The following SEMA4B variants were observed in gnomAD, a reference collection of about 807,000 sequenced individuals.
SEMA4B encodes semaphorin-4B.
In SEMA4B, 55 loss-of-function variants were observed where a neutral mutation model predicts 88.1. The observed-to-expected ratio is 0.62, with a 90% CI of 0.50 to 0.78. The LOEUF (loss-of-function observed/expected upper bound fraction) is 0.78. Ranked by LOEUF, SEMA4B falls within the 30% of genes least tolerant of loss-of-function variation. The pLI, the probability that SEMA4B is intolerant of heterozygous loss-of-function variation, is 0.00. For missense variants in SEMA4B, 1,062 were observed against 1,111.9 expected (o/e 0.96, Z 0.64); for synonymous variants, 525 against 473.6 (o/e 1.11, Z -1.41).
At chr15:90,197,659 G>C (rs912943600), upstream of SEMA4B, among the ~76,000 whole-genome samples, 2 of 151,698 alleles carry the variant, frequency 1.3e-5, no homozygotes, top group Non-Finnish European at 2.9e-5. Flanking sequence ...GGATGGTCTC[G>C]AGCTCCTGAC....
At position 90,228,483 on chromosome 15, in the gene SEMA4B, G is replaced by A. The variant is rs758056713; in HGVS notation, c.2354G>A (p.Arg785Gln). ...LGPPSTPLDH[R>Q]GYQSLSDSPP... ...CCCCCTAGCACCCCGCTCGATCACC[G>A]AGGGTACCAGTCCCTGTCAGACAGC... Residue 785 changes from arginine to glutamine, a missense_variant, in exon 14 of 14, where the codon CGA becomes CAA. Transcript: ENST00000411539. 4.7e-5 allele frequency: 75 copies of A among 1,609,970 alleles called. 1 individual carries two copies. The highest frequency in any genetic ancestry group is 1.4e-4 in the South Asian group (13 of 90,704).
intron 4 of SEMA4B, chr15:90,220,096 G>T (rs1037645947): frequency 1.9e-6 from 1 of 536,114 alleles, no homozygotes. Context: ...GTGCGGGGAG[G>T]CGGGGGCACA....
intron 1 of SEMA4B, among the ~76,000 whole-genome samples, chr15:90,189,301 T>C (rs1682831211): frequency 6.6e-6 from 1 of 152,138 alleles, no homozygotes; most frequent in African/African-American, 2.4e-5. Flanking sequence ...AGACAAAACG[T>C]GGTTGATTTC....
intron 1 of SEMA4B, among the ~76,000 whole-genome samples, chr15:90,188,324 AAAAAT>A (rs201842956): frequency 0.024 from 3,597 of 152,032 alleles, 127 homozygotes; most frequent in African/African-American, 0.075. Context: ...ACACTGTCTC[AAAAAT>A]AAAATAAAAT....
At chr15:90,219,992 GC>G in intron 4 of SEMA4B, 101 bp downstream of exon 4, 2 of 888,164 alleles carry the variant, frequency 2.3e-6, no homozygotes, top group Non-Finnish European at 1.7e-6. Context: ...GAAAGGCAGG[GC>G]CCAGAGGGAG....
chr15:90,201,357 A>C lies in SEMA4B; in HGVS notation c.-222A>C. 4 of 1,232,912 alleles carry C rather than the reference A, an allele frequency of 3.2e-6. No homozygotes were observed. Among genetic ancestry groups the C allele is most frequent in the Non-Finnish European group, 2.0e-6 (2 of 986,938 alleles). 76.4% of individuals were successfully genotyped at this position (1,232,912 alleles called of 1,614,324 possible). On this transcript the variant is annotated 5_prime_UTR_variant, in exon 1 of 14. Coordinates refer to ENST00000411539, the MANE Select transcript of SEMA4B (RefSeq NM_198925.4). ...TTGCGGGTGAGCTCTGCCCAAGCCG[A>C]GGCTGCGGGGCCGGCGCCGGCGGGA...
chr15:90,207,463 C>T (rs552031952), intron 1 of SEMA4B, among the ~76,000 whole-genome samples: 8 of 152,318 alleles, frequency 5.3e-5, no homozygotes, highest in Admixed American at 1.3e-4. Context: ...GCGGCCATTG[C>T]GGTGCACTCC....
At chr15:90,206,498 A>C (rs1341398851) in intron 1 of SEMA4B, 1 of 315,072 alleles carries the variant, frequency 3.2e-6, no homozygotes, top group African/African-American at 2.2e-5. Context: ...CCCTGCTGCC[A>C]CCAAGTCATG....
intron 1 of SEMA4B, chr15:90,190,381 C>T (rs531066463): frequency 6.6e-6 from 1 of 152,442 alleles, no homozygotes; most frequent in South Asian, 2.1e-4. Flanking sequence ...CCCCGCTACC[C>T]ACCTAGGCAT....
chr15:90,214,269 G>A (rs1250627470), intron 1 of SEMA4B, among the ~76,000 whole-genome samples: 1 of 149,180 alleles, frequency 6.7e-6, no homozygotes, highest in Non-Finnish European at 1.5e-5. Flanking sequence ...GCTTGAACCT[G>A]AGAGGTGTAG....
intron 12 of SEMA4B, 37 bp from the exon 13 acceptor site, chr15:90,227,520 C>T (rs1245657204): frequency 2.5e-6 from 4 of 1,603,240 alleles, no homozygotes; most frequent in Non-Finnish European, 3.4e-6. Flanking sequence ...GCTCAGGGGA[C>T]TTCCTGGCCA....
intron 1 of SEMA4B, among the ~76,000 whole-genome samples, chr15:90,185,234 G>C (rs958337617): frequency 1.3e-5 from 2 of 152,330 alleles, no homozygotes; most frequent in Admixed American, 1.3e-4. Flanking sequence ...CGCTCTGATG[G>C]GCACTGGGGC....
At chr15:90,206,052 A>C (rs1425521572) in intron 1 of SEMA4B, among the ~76,000 whole-genome samples, 2 of 152,178 alleles carry the variant, frequency 1.3e-5, no homozygotes, top group Non-Finnish European at 2.9e-5. Context: ...CTAAACTTGC[A>C]CAACTTTTGG....
At chr15:90,213,968 C>G (rs1177998226) in intron 1 of SEMA4B, among the ~76,000 whole-genome samples, 1 of 152,344 alleles carries the variant, frequency 6.6e-6, no homozygotes, top group East Asian at 1.9e-4. Flanking sequence ...CTCGGTGGCT[C>G]AGCCACCTGA....
At position 90,229,421 on chromosome 15, in the gene SEMA4B, G is replaced by A. The variant is rs1015235069; in HGVS notation, c.*778G>A. The A allele has an allele frequency of 1.2e-4, 56 of 456,294 alleles. No homozygotes were observed. The highest frequency in any genetic ancestry group is 2.0e-4 in the Non-Finnish European group (46 of 226,924). 28.3% of individuals were successfully genotyped at this position (456,294 alleles called of 1,614,324 possible). On this transcript the variant is annotated 3_prime_UTR_variant, in exon 14 of 14. Transcript: ENST00000411539. ...TTCCTCCGTTGTTGCGTGAGAACCC[G>A]TGTGCCCCTTCCCACCATATCCACC...
intron 1 of SEMA4B, among the ~76,000 whole-genome samples, chr15:90,209,419 G>C (rs1477666895): frequency 6.6e-6 from 1 of 151,876 alleles, no homozygotes; most frequent in Non-Finnish European, 1.5e-5. Flanking sequence ...ACAAAAATTA[G>C]CCGGGCATGA....
chr15:90,227,663 G>A (rs997777055), intron 13 of SEMA4B, 21 bp downstream of exon 13: 15 of 1,612,266 alleles, frequency 9.3e-6, no homozygotes, highest in Admixed American at 5.0e-5. Context: ...CCCTCAAAAG[G>A]TGGAGGAGAG....
Position 90,212,030 on chromosome 15 carries a change from C to T in SEMA4B, c.158-5409C>T, listed in dbSNP as rs1357573242. Among the ~76,000 whole-genome samples, 1 of 152,046 alleles carries T rather than the reference C, an allele frequency of 6.6e-6. No homozygotes were observed. The highest frequency in any genetic ancestry group is 1.5e-5 in the Non-Finnish European group (1 of 67,980). On this transcript the variant is annotated intron_variant, in intron 1 of 13. Transcript: ENST00000411539. The surrounding 1 kb of genome is among the most constrained non-coding windows in gnomAD (Gnocchi z 4.0). Reference sequence around the variant, plus strand: ...TAACCAGGGTGGGGATGGTGCTGAGCCCTATTCCTGTCTCACCCCAGAGAG... The same window carrying T: ...TAACCAGGGTGGGGATGGTGCTGAGTCCTATTCCTGTCTCACCCCAGAGAG...
chr15:90,201,304 T>C, upstream of SEMA4B: 1 of 1,136,586 alleles, frequency 8.8e-7, no homozygotes. Context: ...CACGGCCGAC[T>C]TCCTCCTTCA....
Sources: gnomAD v4.1 joint callset for allele counts (sites outside exome capture counted in the v4.1 genomes callset) on GRCh38, gnomAD v4.1.1 for gene constraint, Gnocchi (gnomAD v3.1) non-coding constraint, MANE v1.5 for transcripts, NCBI Gene and HGNC (gene_info 2026-07-23, HGNC 2026-07-21) for gene names.